Variants in SUCLG2 observed in about 807,000 individuals in gnomAD.
SUCLG2 encodes succinate--CoA ligase [GDP-forming] subunit beta, mitochondrial.
A neutral mutation model predicts 47.9 loss-of-function variants in SUCLG2; 42 were observed. The observed-to-expected ratio is 0.88, with a 90% CI of 0.69 to 1.14. The LOEUF (loss-of-function observed/expected upper bound fraction) is 1.14, where lower values mean the gene tolerates loss of function less well. SUCLG2 is among the 50% of genes most tolerant of loss of function. The pLI is 0.00. For synonymous variants in SUCLG2, 195 were observed against 197.3 expected, an observed-to-expected ratio of 0.99 and a Z score of 0.10; for missense variants, 571 against 525.9, an observed-to-expected ratio of 1.09 and a Z score of -0.84.
chr3:67,387,260 T>C (rs1419885923), intron 10 of SUCLG2, among the ~76,000 whole-genome samples: 1 of 152,120 alleles, frequency 6.6e-6, no homozygotes, highest in Non-Finnish European at 1.5e-5. Flanking sequence ...GAAAAAAAAT[T>C]GATCAAGGAG....
chr3:67,421,840 T>C (rs9852251), intron 9 of SUCLG2, among the ~76,000 whole-genome samples: 13,091 of 152,238 alleles, frequency 0.086, 675 homozygotes, highest in African/African-American at 0.14. Flanking sequence ...TCAAGAGAAC[T>C]GAATTGCATC....
intron 2 of SUCLG2, among the ~76,000 whole-genome samples, chr3:67,587,878 T>A (rs975431515): frequency 6.6e-6 from 1 of 152,072 alleles, no homozygotes; most frequent in Non-Finnish European, 1.5e-5. Context: ...AAACAGGCCC[T>A]AAAAAAATCC....
intron 9 of SUCLG2, among the ~76,000 whole-genome samples, chr3:67,471,855 C>G (rs1040864695): frequency 1.3e-5 from 2 of 152,152 alleles, no homozygotes; most frequent in African/African-American, 4.8e-5. Flanking sequence ...TAACTCTCCT[C>G]ATCCTTGTAG....
intron 9 of SUCLG2, among the ~76,000 whole-genome samples, chr3:67,474,595 T>A (rs999985701): frequency 6.6e-6 from 1 of 152,238 alleles, no homozygotes; most frequent in South Asian, 2.1e-4. Flanking sequence ...GAAGGGCTCA[T>A]GTAATTCTAA....
chr3:67,511,397 G>A (rs1434495577), intron 6 of SUCLG2, among the ~76,000 whole-genome samples: 2 of 152,162 alleles, frequency 1.3e-5, no homozygotes, highest in Non-Finnish European at 2.9e-5. Flanking sequence ...TTGCAGGAGG[G>A]ACCCAGTGGG....
At chr3:67,590,400 G>A (rs1332695124) in intron 2 of SUCLG2, among the ~76,000 whole-genome samples, 4 of 152,134 alleles carry the variant, frequency 2.6e-5, no homozygotes, top group Non-Finnish European at 4.4e-5. Flanking sequence ...ATGTTGAACT[G>A]TAATTCCCAA....
chr3:67,650,358 A>G (rs1701264965), intron 1 of SUCLG2, among the ~76,000 whole-genome samples: 1 of 152,232 alleles, frequency 6.6e-6, no homozygotes, highest in Non-Finnish European at 1.5e-5. Context: ...AGTATACAAC[A>G]GCAGGGGCAT....
intron 9 of SUCLG2, among the ~76,000 whole-genome samples, chr3:67,455,145 T>C (rs62256387): frequency 0.56 from 85,817 of 151,980 alleles, 25,071 homozygotes; most frequent in Middle Eastern, 0.65. Flanking sequence ...TTCAGTGTTT[T>C]AGATTTACTT....
At chr3:67,558,421 C>G (rs1273082075) in intron 2 of SUCLG2, among the ~76,000 whole-genome samples, 2 of 151,808 alleles carry the variant, frequency 1.3e-5, no homozygotes, top group Non-Finnish European at 2.9e-5. Flanking sequence ...AGATGCCCCA[C>G]TTTCCACATT....
At chr3:67,416,552 G>C (rs757508473) in intron 9 of SUCLG2, among the ~76,000 whole-genome samples, 14 of 152,034 alleles carry the variant, frequency 9.2e-5, no homozygotes, top group Non-Finnish European at 1.9e-4. Context: ...TATCCTATTA[G>C]AATCTTATTT....
intron 2 of SUCLG2, among the ~76,000 whole-genome samples, chr3:67,561,395 A>ATCC (rs1707304032): frequency 6.6e-6 from 1 of 152,164 alleles, no homozygotes; most frequent in Non-Finnish European, 1.5e-5. Context: ...ACATTAAGAC[A>ATCC]TCCTTACATG....
intron 9 of SUCLG2, among the ~76,000 whole-genome samples, chr3:67,471,981 T>C (rs2106987833): frequency 6.6e-6 from 1 of 152,150 alleles, no homozygotes; most frequent in African/African-American, 2.4e-5. Flanking sequence ...ATGTTTAGAG[T>C]CCTTAATGAC....
At chr3:67,446,628 T>C (rs1218217112) in intron 9 of SUCLG2, among the ~76,000 whole-genome samples, 1 of 151,154 alleles carries the variant, frequency 6.6e-6, no homozygotes, top group Non-Finnish European at 1.5e-5. Context: ...GAGATGGGAT[T>C]TCACCATATT....
intron 9 of SUCLG2, among the ~76,000 whole-genome samples, chr3:67,480,803 G>A (rs913136788): frequency 6.6e-6 from 1 of 152,202 alleles, no homozygotes; most frequent in African/African-American, 2.4e-5. Flanking sequence ...CTTACTCTGT[G>A]AGCAGTAGCT....
intron 7 of SUCLG2, among the ~76,000 whole-genome samples, chr3:67,503,184 A>C (rs1051149527): frequency 2.6e-5 from 4 of 152,166 alleles, no homozygotes; most frequent in African/African-American, 9.7e-5. Flanking sequence ...TGACAGAAAA[A>C]GTTTGCCAAT....
At chr3:67,613,481 C>A (rs536476673) in intron 1 of SUCLG2, among the ~76,000 whole-genome samples, 1 of 152,128 alleles carries the variant, frequency 6.6e-6, no homozygotes, top group Non-Finnish European at 1.5e-5. Flanking sequence ...TTCAGGCCAA[C>A]GTTTAATTGC....
intron 10 of SUCLG2, among the ~76,000 whole-genome samples, chr3:67,398,592 C>T (rs926460268): frequency 2.6e-5 from 4 of 152,002 alleles, no homozygotes; most frequent in African/African-American, 9.6e-5. Context: ...ACTAGTTCAA[C>T]CATTGTGGAA....
chr3:67,385,212 C>G (rs576900262), intron 10 of SUCLG2, among the ~76,000 whole-genome samples: 1 of 152,302 alleles, frequency 6.6e-6, no homozygotes, highest in African/African-American at 2.4e-5. Flanking sequence ...ATATGCGAGT[C>G]CTGGTACCTG....
intron 10 of SUCLG2, among the ~76,000 whole-genome samples, chr3:67,380,061 G>A (rs188041382): frequency 6.0e-4 from 91 of 152,296 alleles, no homozygotes; most frequent in Non-Finnish European, 1.0e-4. Context: ...GACGAGAAGA[G>A]GAGTGGGCGG....
Sources: allele counts gnomAD v4.1 joint callset (sites outside exome capture counted in the v4.1 genomes callset), GRCh38; gene constraint gnomAD v4.1.1; transcripts MANE v1.5; gene names NCBI Gene and HGNC (gene_info 2026-07-23, HGNC 2026-07-21).